PAPPA: variants seen among roughly 807,000 people sequenced by gnomAD.
PAPPA encodes the protein pappalysin-1.
A neutral mutation model predicts 164.0 loss-of-function variants in PAPPA; 60 were observed. The ratio of observed to expected loss-of-function variants is 0.37; its 90% CI spans 0.30 to 0.45. PAPPA has a LOEUF of 0.45. Among genes scored for constraint, PAPPA ranks in the 20% least tolerant of loss-of-function variants. The pLI is 1.00. For synonymous variants in PAPPA, 875 were observed against 814.1 expected (o/e 1.07, Z -1.27); for missense variants, 1,782 against 2,087.3 (o/e 0.85, Z 2.85).
At chr9:116,336,070 T>C (rs1846057528) in intron 13 of PAPPA, among the ~76,000 whole-genome samples, 1 of 152,170 alleles carries the variant, frequency 6.6e-6, no homozygotes. Context: ...TGTGTTACCA[T>C]GTAGAATCAC....
intron 7 of PAPPA, among the ~76,000 whole-genome samples, chr9:116,245,177 G>A (rs1453696824): frequency 6.6e-6 from 1 of 151,332 alleles, no homozygotes; most frequent in African/African-American, 2.4e-5. Context: ...AATGGAAGGG[G>A]GTGGATGATG....
chr9:116,382,726 G>A (rs1039574572), intron 21 of PAPPA, among the ~76,000 whole-genome samples: 1 of 152,128 alleles, frequency 6.6e-6, no homozygotes, highest in Admixed American at 6.5e-5. Flanking sequence ...AATTGGGTAC[G>A]GAAGCAGGTA....
chr9:116,246,400 G>A (rs188504930), intron 7 of PAPPA, among the ~76,000 whole-genome samples: 13 of 152,176 alleles, frequency 8.5e-5, no homozygotes, highest in Admixed American at 2.6e-4. Context: ...CTATGTACAA[G>A]GCATTGTGCT....
At chr9:116,197,028 AAC>A (rs1346236438) in intron 2 of PAPPA, among the ~76,000 whole-genome samples, 1 of 152,208 alleles carries the variant, frequency 6.6e-6, no homozygotes, top group Non-Finnish European at 1.5e-5. Flanking sequence ...ATGGTAGAAA[AAC>A]ACAGTTTGCC....
intron 7 of PAPPA, among the ~76,000 whole-genome samples, chr9:116,255,666 C>A (rs1001886724): frequency 1.3e-5 from 2 of 151,778 alleles, no homozygotes; most frequent in African/African-American, 4.8e-5. Flanking sequence ...TCTTGTTCAC[C>A]CCAGGAGAGA....
rs769197759 is a variant in PAPPA, at chr9:116,220,053, C to T, written c.2035C>T (p.Pro679Ser). Residue 679 changes from proline (P) to serine (S), a missense_variant, in exon 5 of 22, where the codon CCC becomes TCC. By Grantham distance (74) the Pro-to-Ser change is moderately conservative (BLOSUM62 -1). Transcript: ENST00000328252. ...GAAACCAGCGCCTGTTGCCCTCGCCCCCCAAGTTCTGGGCCACACAACGGA... is the reference window on the plus strand; with the variant it reads ...GAAACCAGCGCCTGTTGCCCTCGCCTCCCAAGTTCTGGGCCACACAACGGA... ...SRKPAPVALA[P>S]QVLGHTTDSV... 2 of 1,614,168 alleles carry T rather than the reference C, an allele frequency of 1.2e-6. No homozygotes were observed. Among genetic ancestry groups the T allele is most frequent in the Non-Finnish European group, 1.7e-6 (2 of 1,180,024 alleles).
intron 10 of PAPPA, among the ~76,000 whole-genome samples, chr9:116,317,690 A>G (rs1845804220): frequency 6.6e-6 from 1 of 152,194 alleles, no homozygotes; most frequent in African/African-American, 2.4e-5. Flanking sequence ...ATACTGCTCT[A>G]GAACTGACAA....
In PAPPA at chr9:116,211,836, A is replaced by G; in HGVS notation, c.1822A>G (p.Lys608Glu). The change falls in exon 4 of 22, where the codon AAA becomes GAA. Residue 608 changes from lysine to glutamate, a missense_variant. Coordinates refer to ENST00000328252, the MANE Select transcript of PAPPA (RefSeq NM_002581.5). ...CTGCAATGATACCAACCCAGCCCCT[A>G]AACACAAGTCCTGTGGTGACCCAGG... is the stretch of plus-strand genomic sequence containing the variant. ...DLCNDTNPAP[K>E]HKSCGDPGPG... 1 of 1,614,052 alleles carries G rather than the reference A, an allele frequency of 6.2e-7. No individual in the cohort carries two copies. Among genetic ancestry groups the G allele is most frequent in the Non-Finnish European group, 8.5e-7 (1 of 1,179,976 alleles).
chr9:116,251,796 T>A (rs982415875), intron 7 of PAPPA, among the ~76,000 whole-genome samples: 1 of 152,186 alleles, frequency 6.6e-6, no homozygotes, highest in Non-Finnish European at 1.5e-5. Flanking sequence ...TCTTTGTAGA[T>A]CTTTTCCTCT....
intron 1 of PAPPA, among the ~76,000 whole-genome samples, chr9:116,175,534 T>C (rs2118599600): frequency 6.6e-6 from 1 of 152,256 alleles, no homozygotes; most frequent in Non-Finnish European, 1.5e-5. Flanking sequence ...ATACAAATAA[T>C]ACAAACTTAA....
chr9:116,174,570 C>T (rs946531540), intron 1 of PAPPA, among the ~76,000 whole-genome samples: 1 of 152,012 alleles, frequency 6.6e-6, no homozygotes, highest in Non-Finnish European at 1.5e-5. Context: ...GATGAGGAAC[C>T]GAGGTCCAAA....
At chr9:116,342,296 C>T (rs1329324837) in intron 13 of PAPPA, among the ~76,000 whole-genome samples, 4 of 152,158 alleles carry the variant, frequency 2.6e-5, no homozygotes, top group Non-Finnish European at 4.4e-5. Context: ...TCCACAGTTA[C>T]AGTCTCTTTG....
At position 116,272,858 on chromosome 9, in the gene PAPPA, C is replaced by T. The variant is rs113207065; in HGVS notation, c.2953+1442C>T. Reference sequence around the variant, plus strand: ...TGCTGAGAACTTACATAAAGCTGGCCAAGTGGCTTCCCTAGTCTTGGCCTC... The same window carrying T: ...TGCTGAGAACTTACATAAAGCTGGCTAAGTGGCTTCCCTAGTCTTGGCCTC... On this transcript the variant is annotated intron_variant, in intron 9 of 21. Transcript: ENST00000328252. 1.8e-4 allele frequency among the ~76,000 whole-genome samples: 27 copies of T among 152,274 alleles called. 1 individual carries two copies. Among genetic ancestry groups the T allele is most frequent in the Middle Eastern group, 3.4e-3 (1 of 294 alleles).
intron 21 of PAPPA, among the ~76,000 whole-genome samples, chr9:116,396,159 C>T (rs1221263367): frequency 1.3e-5 from 2 of 152,134 alleles, no homozygotes; most frequent in Non-Finnish European, 2.9e-5. Flanking sequence ...TTGGCAAATT[C>T]TTATTCCTTT....
intron 2 of PAPPA, among the ~76,000 whole-genome samples, chr9:116,205,260 C>T (rs1340702069): frequency 6.6e-6 from 1 of 152,018 alleles, no homozygotes; most frequent in African/African-American, 2.4e-5. Flanking sequence ...GGATGAATAC[C>T]ACTTCTTGAA....
At chr9:116,342,831 A>G (rs1269648703) in intron 13 of PAPPA, among the ~76,000 whole-genome samples, 1 of 152,194 alleles carries the variant, frequency 6.6e-6, no homozygotes, top group African/African-American at 2.4e-5. Flanking sequence ...TCAGAGAGGC[A>G]AAAGTCAGAG....
intron 1 of PAPPA, among the ~76,000 whole-genome samples, chr9:116,175,008 A>G (rs1197431804): frequency 6.6e-6 from 1 of 152,202 alleles, no homozygotes; most frequent in East Asian, 1.9e-4. Flanking sequence ...TTTCACAAAT[A>G]AGAAAACGGA....
At chr9:116,385,137 G>C (rs1348178120) in intron 21 of PAPPA, among the ~76,000 whole-genome samples, 1 of 151,990 alleles carries the variant, frequency 6.6e-6, no homozygotes, top group African/African-American at 2.4e-5. Flanking sequence ...GGGAGGCTGA[G>C]GCAGGAGAAT....
chr9:116,170,509 G>A (rs1186524226), intron 1 of PAPPA, among the ~76,000 whole-genome samples: 1 of 152,052 alleles, frequency 6.6e-6, no homozygotes, highest in African/African-American at 2.4e-5. Context: ...CTTTGACCAT[G>A]AAGCCACAAA....
Sources: gnomAD v4.1 joint callset for allele counts (sites outside exome capture counted in the v4.1 genomes callset) on GRCh38, gnomAD v4.1.1 for gene constraint, MANE v1.5 for transcripts, NCBI Gene and HGNC (gene_info 2026-07-23, HGNC 2026-07-21) for gene names.